The following SEMA3A variants were observed in gnomAD, a reference collection of about 807,000 sequenced individuals.
The protein encoded by SEMA3A is semaphorin-3A.
Under a neutral mutation model 97.9 loss-of-function variants are expected in SEMA3A, and 29 were observed. The observed-to-expected ratio is 0.30, with a 90% CI of 0.22 to 0.40. The LOEUF (loss-of-function observed/expected upper bound fraction) is 0.40. Ranked by LOEUF, SEMA3A falls within the 10% of genes least tolerant of loss-of-function variation. The pLI, the probability that SEMA3A is intolerant of heterozygous loss-of-function variation, is 1.00. For missense variants in SEMA3A, 763 were observed against 951.3 expected (o/e 0.80, Z 2.60); for synonymous variants, 321 against 323.7 (o/e 0.99, Z 0.09).
chr7:84,223,719 G>A (rs1307062351), intron 3 of SEMA3A, among the ~76,000 whole-genome samples: 1 of 151,430 alleles, frequency 6.6e-6, no homozygotes, highest in Admixed American at 6.6e-5. Context: ...ACCAATATAG[G>A]GAATAAAGAT....
At chr7:84,370,661 C>T (rs1377629507) in intron 2 of SEMA3A, among the ~76,000 whole-genome samples, 3 of 151,578 alleles carry the variant, frequency 2.0e-5, no homozygotes, top group Non-Finnish European at 4.4e-5. Context: ...ATTTAATACA[C>T]ATTATTTTGT....
intron 6 of SEMA3A, among the ~76,000 whole-genome samples, chr7:84,016,272 G>A (rs1791094306): frequency 6.6e-6 from 1 of 152,114 alleles, no homozygotes; most frequent in African/African-American, 2.4e-5. Flanking sequence ...GGGCACGGTG[G>A]CTCACGCCTG....
intron 4 of SEMA3A, among the ~76,000 whole-genome samples, chr7:84,082,035 A>C (rs917503588): frequency 6.6e-6 from 1 of 152,076 alleles, no homozygotes; most frequent in African/African-American, 2.4e-5. Context: ...TTTTATTTTT[A>C]TTTTTTATAA....
At chr7:84,433,238 C>A (rs750433047) in intron 1 of SEMA3A, among the ~76,000 whole-genome samples, 3 of 151,206 alleles carry the variant, frequency 2.0e-5, no homozygotes, top group African/African-American at 7.3e-5. Flanking sequence ...CCTCCCACCC[C>A]CCGACAGGCC....
In SEMA3A at chr7:84,007,452, A is replaced by G; in HGVS notation, c.1041T>C (p.Asp347=). ...GSAVCMYSMS[D]VRRVFLGPYA... ...ATGGACCAAGGAACACCCTTCTCAC[A>G]TCACTCATGCTATACATACACACGG... Residue 347 remains aspartate (D), a synonymous_variant, in exon 10 of 17, where the codon GAT becomes GAC. Coordinates refer to ENST00000265362, the MANE Select transcript of SEMA3A (RefSeq NM_006080.3). 1 of 1,606,528 alleles carries G rather than the reference A, an allele frequency of 6.2e-7. No homozygotes were observed. Among genetic ancestry groups the G allele is most frequent in the Non-Finnish European group, 8.5e-7 (1 of 1,176,354 alleles).
At chr7:83,995,587 G>A (rs3801590) in intron 12 of SEMA3A, among the ~76,000 whole-genome samples, 15,704 of 152,094 alleles carry the variant, frequency 0.1, 1,186 homozygotes, top group African/African-American at 0.2. Flanking sequence ...AATAAGCTAC[G>A]GGGATTTTTT....
intron 3 of SEMA3A, among the ~76,000 whole-genome samples, chr7:84,217,763 C>CA (rs5885405): frequency 0.074 from 10,460 of 142,114 alleles, 616 homozygotes; most frequent in African/African-American, 0.17. Context: ...TCTGTCTCTT[C>CA]AAAAAAAAAA....
At chr7:84,209,526 T>G (rs1798575024) in intron 3 of SEMA3A, among the ~76,000 whole-genome samples, 1 of 152,180 alleles carries the variant, frequency 6.6e-6, no homozygotes, top group South Asian at 2.1e-4. Context: ...TGAGATGGAT[T>G]AGATAAATTC....
intron 2 of SEMA3A, among the ~76,000 whole-genome samples, chr7:84,332,264 GA>G (rs1386411008): frequency 2.0e-5 from 3 of 151,864 alleles, no homozygotes; most frequent in African/African-American, 2.4e-5. Flanking sequence ...CTCATTTCCA[GA>G]AAAAAATAAC....
rs372946805 is a variant in SEMA3A, at chr7:84,237,196, C to G, written c.-82-42528G>C. Among the ~76,000 whole-genome samples the G allele has an allele frequency of 5.9e-5, 9 of 152,114 alleles. 1 individual carries two copies. The highest frequency in any genetic ancestry group is 1.3e-4 in the Admixed American group (2 of 15,254). Reference sequence around the variant, plus strand: ...TGAAAACAAAATGTGTTTAATTTATCCCAGAGTTAAGGAAAAGACAAACAT... The same window carrying G: ...TGAAAACAAAATGTGTTTAATTTATGCCAGAGTTAAGGAAAAGACAAACAT... On this transcript the variant is annotated intron_variant, in intron 3 of 3. Transcript: ENST00000424555.
intron 3 of SEMA3A, among the ~76,000 whole-genome samples, chr7:84,287,798 A>T (rs565585585): frequency 9.2e-5 from 14 of 152,168 alleles, no homozygotes; most frequent in African/African-American, 3.4e-4. Context: ...GTATCTGAAA[A>T]CTCAGCATGT....
At chr7:84,251,792 C>T (rs1167886612) in intron 3 of SEMA3A, among the ~76,000 whole-genome samples, 2 of 152,142 alleles carry the variant, frequency 1.3e-5, no homozygotes, top group East Asian at 1.9e-4. Context: ...TTTAGAAGCT[C>T]TTTTCTGATT....
intron 1 of SEMA3A, among the ~76,000 whole-genome samples, chr7:84,135,932 T>C (rs1288070426): frequency 6.6e-6 from 1 of 152,172 alleles, no homozygotes. Context: ...TACTAAACAA[T>C]ATACCTATAC....
intron 1 of SEMA3A, among the ~76,000 whole-genome samples, chr7:84,424,326 AAT>A (rs1168009287): frequency 7.0e-6 from 1 of 142,982 alleles, no homozygotes; most frequent in Non-Finnish European, 1.5e-5. Context: ...CATTCTATAT[AAT>A]ATGATATACA....
Position 83,985,484 on chromosome 7 carries a change from G to C in SEMA3A, c.1453-7C>G, listed in dbSNP as rs780059571. Reference sequence around the variant, plus strand: ...CTGAAATAGCAGTCGGTTCCTAAAGGAGAAAAAGAAATATGTGAGGTGTTT... The same window carrying C: ...CTGAAATAGCAGTCGGTTCCTAAAGCAGAAAAAGAAATATGTGAGGTGTTT... On this transcript the variant is annotated splice_polypyrimidine_tract_variant and splice_region_variant and intron_variant, in intron 12 of 16. Coordinates refer to ENST00000265362, the MANE Select transcript of SEMA3A (RefSeq NM_006080.3). 6.2e-7 allele frequency: 1 copy of C among 1,606,474 alleles called. No homozygotes were observed. Among genetic ancestry groups the C allele is most frequent in the Non-Finnish European group, 8.5e-7 (1 of 1,174,720 alleles).
At chr7:84,428,062 C>A (rs535203742) in intron 1 of SEMA3A, among the ~76,000 whole-genome samples, 3 of 152,146 alleles carry the variant, frequency 2.0e-5, no homozygotes, top group South Asian at 4.1e-4. Flanking sequence ...TAGTTAATTT[C>A]TATTACTTTA....
rs1562945078 is a variant in SEMA3A at position 84,429,519 on chromosome 7, TATATATATA to T, written c.-245-57628_-245-57620del. ...CATTAGTAAAATATAGAGTTTGTTA[TATATATATA>T]TATATATATATATATATATAGCGAG... On this transcript the variant is annotated intron_variant, in intron 1 of 3. Transcript: ENST00000424555. 1.5e-4 allele frequency among the ~76,000 whole-genome samples: 14 copies of T among 91,408 alleles called. 1 individual carries two copies. The highest frequency in any genetic ancestry group is 5.6e-4 in the African/African-American group (14 of 24,942). 60.0% of individuals were successfully genotyped at this position (91,408 alleles called of 152,430 possible).
intron 1 of SEMA3A, among the ~76,000 whole-genome samples, chr7:84,441,337 T>A (rs753247544): frequency 4.0e-5 from 6 of 151,240 alleles, no homozygotes; most frequent in Admixed American, 6.6e-5. Flanking sequence ...GAAACATCAA[T>A]AAAGAGATAG....
At chr7:84,216,231 C>A (rs1344287017) in intron 3 of SEMA3A, among the ~76,000 whole-genome samples, 1 of 152,122 alleles carries the variant, frequency 6.6e-6, no homozygotes, top group Admixed American at 6.5e-5. Flanking sequence ...CTCAGCCTCC[C>A]AAGTAGCTGG....
Sources: allele counts gnomAD v4.1 joint callset (sites outside exome capture counted in the v4.1 genomes callset), GRCh38; gene constraint gnomAD v4.1.1; transcripts MANE v1.5; gene names NCBI Gene and HGNC (gene_info 2026-07-23, HGNC 2026-07-21).